PTPRT: variants seen among roughly 807,000 people sequenced by gnomAD.
The protein encoded by PTPRT is protein tyrosine phosphatase receptor type T.
Under a neutral mutation model 176.8 loss-of-function variants are expected in PTPRT, and 56 were observed. The ratio of observed to expected loss-of-function variants is 0.32; its 90% confidence interval spans 0.26 to 0.40. The LOEUF is 0.40. Ranked by LOEUF, PTPRT falls within the 10% of genes least tolerant of loss-of-function variation. The pLI, the probability that PTPRT is intolerant of heterozygous loss-of-function variation, is 1.00. For synonymous variants in PTPRT, 783 were observed against 739.0 expected (o/e 1.06, Z -0.96); for missense variants, 1,540 against 1,908.2 (o/e 0.81, Z 3.60).
At chr20:42,896,821 G>A (rs777587903) in intron 1 of PTPRT, among the ~76,000 whole-genome samples, 18 of 152,014 alleles carry the variant, frequency 1.2e-4, no homozygotes, top group South Asian at 2.1e-4. Context: ...TTCCACCCTC[G>A]TGCCAACAAA....
At chr20:42,551,927 T>C (rs1350170378) in intron 7 of PTPRT, among the ~76,000 whole-genome samples, 1 of 152,198 alleles carries the variant, frequency 6.6e-6, no homozygotes, top group Non-Finnish European at 1.5e-5. Context: ...TCCTGGATAA[T>C]CTGACTGATC....
At chr20:42,918,214 G>T (rs969822159) in intron 1 of PTPRT, among the ~76,000 whole-genome samples, 5 of 152,120 alleles carry the variant, frequency 3.3e-5, no homozygotes, top group African/African-American at 1.2e-4. Flanking sequence ...CACAGTGGGT[G>T]GGTAAGTCAG....
intron 1 of PTPRT, among the ~76,000 whole-genome samples, chr20:43,140,048 C>T (rs1042690987): frequency 2.6e-4 from 39 of 152,206 alleles, no homozygotes; most frequent in African/African-American, 8.2e-4. Flanking sequence ...GCCACCCAGG[C>T]CCCTTCCCCA....
At chr20:42,468,063 T>C (rs2071129572) in intron 8 of PTPRT, among the ~76,000 whole-genome samples, 1 of 152,264 alleles carries the variant, frequency 6.6e-6, no homozygotes, top group Non-Finnish European at 1.5e-5. Flanking sequence ...TAGTTTCTTA[T>C]GAACAGCTGC....
chr20:43,054,546 C>A (rs1242509522), intron 1 of PTPRT, among the ~76,000 whole-genome samples: 2 of 150,504 alleles, frequency 1.3e-5, no homozygotes, highest in East Asian at 3.9e-4. Context: ...AGAGTGAAAC[C>A]CTGTCTCCAA....
intron 1 of PTPRT, among the ~76,000 whole-genome samples, chr20:43,142,350 G>T (rs2014038042): frequency 6.6e-6 from 1 of 152,232 alleles, no homozygotes; most frequent in Admixed American, 6.5e-5. Flanking sequence ...TGTCCCCCGG[G>T]CAGGATTTGA....
intron 11 of PTPRT, among the ~76,000 whole-genome samples, chr20:42,330,824 G>T (rs1386466967): frequency 6.6e-6 from 1 of 152,188 alleles, no homozygotes; most frequent in Non-Finnish European, 1.5e-5. Flanking sequence ...CAGGGGCCCT[G>T]CTCCTGTGTA....
chr20:42,971,470 A>G lies in PTPRT; in HGVS notation c.89-85538T>C, dbSNP rs186049983. The G allele has an allele frequency of 2.0e-5, 3 of 152,336 alleles. No homozygotes were observed. The East Asian group carries it at 5.8e-4, about 29-fold the overall frequency. The allele number at this position is 152,336 out of a possible 1,614,324, so 9.4% of individuals were successfully genotyped here. ...AACAGCTTCCTACTTTACTTGGAAT[A>G]AAACGCAATTCCTTTACCATCACCT... On this transcript the variant is annotated intron_variant, in intron 1 of 30. Coordinates refer to ENST00000373187, the MANE Select transcript of PTPRT (RefSeq NM_007050.6).
At chr20:42,081,845 G>T in intron 30 of PTPRT, 37 bp downstream of exon 30, 1 of 1,611,450 alleles carries the variant, frequency 6.2e-7, no homozygotes, top group Non-Finnish European at 8.5e-7. Context: ...GAACTAGTCA[G>T]CCCTGGCTGT....
chr20:42,752,816 A>G (rs1346015877), intron 6 of PTPRT, among the ~76,000 whole-genome samples: 2 of 152,114 alleles, frequency 1.3e-5, no homozygotes, highest in Non-Finnish European at 2.9e-5. Flanking sequence ...TTCATCACAC[A>G]GTTTCTTCCA....
At chr20:42,725,593 G>C (rs1251188944) in intron 6 of PTPRT, among the ~76,000 whole-genome samples, 1 of 152,022 alleles carries the variant, frequency 6.6e-6, no homozygotes, top group East Asian at 1.9e-4. Flanking sequence ...CCAAGTCCTA[G>C]GGACTTTTAT....
chr20:42,216,259 C>T (rs1204615792), intron 15 of PTPRT, among the ~76,000 whole-genome samples: 1 of 152,164 alleles, frequency 6.6e-6, no homozygotes, highest in Non-Finnish European at 1.5e-5. Flanking sequence ...CTCCTTCTTG[C>T]TGAATGGCTA....
chr20:42,728,594 A>T (rs752312592), intron 6 of PTPRT, among the ~76,000 whole-genome samples: 3 of 152,034 alleles, frequency 2.0e-5, no homozygotes, highest in Non-Finnish European at 4.4e-5. Flanking sequence ...ACAGTATCTC[A>T]TTTAATCCTC....
chr20:42,796,260 T>C (rs1244401969), intron 2 of PTPRT, among the ~76,000 whole-genome samples: 1 of 152,228 alleles, frequency 6.6e-6, no homozygotes, highest in Non-Finnish European at 1.5e-5. Flanking sequence ...TACTTAGAGA[T>C]ACTAGCCACA....
At chr20:42,230,206 C>G (rs891670269) in intron 15 of PTPRT, among the ~76,000 whole-genome samples, 12 of 152,136 alleles carry the variant, frequency 7.9e-5, no homozygotes, top group African/African-American at 2.7e-4. Context: ...TATAGAAAAG[C>G]CCAGGAGTCC....
At chr20:43,090,511 A>G (rs186006531) in intron 1 of PTPRT, among the ~76,000 whole-genome samples, 1,928 of 151,992 alleles carry the variant, frequency 0.013, 15 homozygotes, top group Middle Eastern at 0.02. Context: ...CTCGTGATCC[A>G]CCCGCCTTGG....
intron 7 of PTPRT, among the ~76,000 whole-genome samples, chr20:42,603,833 GCAAA>G (rs1569009703): frequency 6.6e-6 from 1 of 152,080 alleles, no homozygotes; most frequent in Non-Finnish European, 1.5e-5. Flanking sequence ...GGATATTGGC[GCAAA>G]CAGTGAGTCA....
intron 7 of PTPRT, among the ~76,000 whole-genome samples, chr20:42,579,408 C>A (rs914986766): frequency 3.3e-5 from 5 of 152,090 alleles, no homozygotes; most frequent in Non-Finnish European, 5.9e-5. Flanking sequence ...ATTTATAATC[C>A]TTTGGGTAAA....
chr20:42,715,209 T>A (rs138358968), intron 6 of PTPRT, among the ~76,000 whole-genome samples: 1,541 of 152,240 alleles, frequency 0.01, 7 homozygotes, highest in Non-Finnish European at 0.014. Flanking sequence ...TTCAATACCA[T>A]TTAAGTCCAA....
Sources: allele counts gnomAD v4.1 joint callset (sites outside exome capture counted in the v4.1 genomes callset), GRCh38; gene constraint gnomAD v4.1.1; transcripts MANE v1.5; gene names NCBI Gene and HGNC (gene_info 2026-07-23, HGNC 2026-07-21).